The following TRAF3IP1 variants were observed in gnomAD, a reference collection of about 807,000 sequenced individuals.
TRAF3IP1 encodes TRAF3-interacting protein 1.
In TRAF3IP1, 53 loss-of-function variants were observed where a neutral mutation model predicts 89.9. That is an observed-to-expected ratio of 0.59 (90% confidence interval 0.47 to 0.74). TRAF3IP1 has a LOEUF of 0.74. Among genes scored for constraint, TRAF3IP1 ranks in the 30% least tolerant of loss-of-function variants. The pLI is 0.00. For synonymous variants in TRAF3IP1, 311 were observed against 322.1 expected (o/e 0.97, Z 0.37); for missense variants, 806 against 866.1 (o/e 0.93, Z 0.87).
At chr2:238,392,802 C>A (rs924608212) in intron 15 of TRAF3IP1, among the ~76,000 whole-genome samples, 1 of 152,214 alleles carries the variant, frequency 6.6e-6, no homozygotes, top group African/African-American at 2.4e-5. Flanking sequence ...TCTCGAACTC[C>A]TGACCTCAGG....
intron 5 of TRAF3IP1, among the ~76,000 whole-genome samples, chr2:238,330,147 G>A (rs747696671): frequency 3.3e-5 from 5 of 152,276 alleles, no homozygotes; most frequent in South Asian, 4.2e-4. Context: ...GTGTTTATGC[G>A]CAGTCTGAGT....
At chr2:238,384,987 A>G (rs1488888835) in intron 15 of TRAF3IP1, among the ~76,000 whole-genome samples, 3 of 152,048 alleles carry the variant, frequency 2.0e-5, no homozygotes, top group Non-Finnish European at 4.4e-5. Flanking sequence ...TAAGAAATTC[A>G]AGTCAGTTGT....
At chr2:238,320,836 G>C in intron 1 of TRAF3IP1, 51 bp downstream of exon 1, 2 of 1,324,892 alleles carry the variant, frequency 1.5e-6, no homozygotes, top group African/African-American at 3.1e-5. Context: ...ATTCCGGTGG[G>C]CGCCGAGGTC....
At chr2:238,368,792 T>A (rs1699989203) in intron 15 of TRAF3IP1, among the ~76,000 whole-genome samples, 1 of 152,102 alleles carries the variant, frequency 6.6e-6, no homozygotes, top group African/African-American at 2.4e-5. Context: ...TGCCTCAGCC[T>A]TCCTAGTAGC....
At chr2:238,343,960 G>GT (rs111234659) in intron 8 of TRAF3IP1, among the ~76,000 whole-genome samples, 17,516 of 146,632 alleles carry the variant, frequency 0.12, 1,720 homozygotes, top group African/African-American at 0.27. Flanking sequence ...TGCCCAGCCT[G>GT]TTTTTTTTTT....
At chr2:238,350,703 G>A (rs536581421) in intron 12 of TRAF3IP1, among the ~76,000 whole-genome samples, 1 of 152,338 alleles carries the variant, frequency 6.6e-6, no homozygotes, top group African/African-American at 2.4e-5. Context: ...CCTGCCCATA[G>A]TGCCTGGGCG....
chr2:238,356,392 G>A (rs992751520), intron 15 of TRAF3IP1, among the ~76,000 whole-genome samples: 1 of 152,180 alleles, frequency 6.6e-6, no homozygotes, highest in Non-Finnish European at 1.5e-5. Flanking sequence ...AGCTACTTGG[G>A]GGGCTGAGGC....
At chr2:238,324,602 A>G (rs1440059495) in intron 1 of TRAF3IP1, among the ~76,000 whole-genome samples, 2 of 150,304 alleles carry the variant, frequency 1.3e-5, no homozygotes, top group African/African-American at 2.5e-5. Flanking sequence ...GTGGACTTTC[A>G]TTTTCTTTTT....
intron 15 of TRAF3IP1, among the ~76,000 whole-genome samples, chr2:238,396,296 G>A (rs1291098584): frequency 6.8e-6 from 1 of 146,614 alleles, no homozygotes; most frequent in East Asian, 2.0e-4. Context: ...ACCAAACACT[G>A]CATGTTCTCA....
chr2:238,385,689 T>C (rs1286271957), intron 15 of TRAF3IP1, among the ~76,000 whole-genome samples: 1 of 152,240 alleles, frequency 6.6e-6, no homozygotes, highest in Non-Finnish European at 1.5e-5. Flanking sequence ...CTGCTAAGTC[T>C]GTTTGTACAG....
rs1559371241 is a variant in TRAF3IP1 at position 238,351,837 on chromosome 2, GTGTGTGT to G, written c.1452-989_1452-983del. 2.8e-4 allele frequency among the ~76,000 whole-genome samples: 16 copies of G among 56,268 alleles called. No homozygotes were observed. The highest frequency in any genetic ancestry group is 4.0e-4 in the Non-Finnish European group (12 of 29,758). The allele number at this position is 56,268 out of a possible 152,430, so 36.9% of individuals were successfully genotyped here. A position where few individuals can be genotyped will look rare whatever the true frequency, so the allele number is the denominator to read the frequency against. ...CACTGAAGCAAGGGAGGATTTTGGT[GTGTGTGT>G]GTGTGTGTGTGTGTGTGTGTGTGCG... On this transcript the variant is annotated intron_variant, in intron 12 of 16. Transcript: ENST00000373327. The surrounding 1 kb of genome is among the most constrained non-coding windows in gnomAD (Gnocchi z 5.2).
At chr2:238,358,451 G>A (rs1267218371) in intron 15 of TRAF3IP1, among the ~76,000 whole-genome samples, 1 of 152,126 alleles carries the variant, frequency 6.6e-6, no homozygotes, top group African/African-American at 2.4e-5. Context: ...CACAAGAATC[G>A]CTTGAGCCCA....
chr2:238,349,742 A>G (rs1699062527), intron 12 of TRAF3IP1, among the ~76,000 whole-genome samples: 2 of 152,214 alleles, frequency 1.3e-5, no homozygotes, highest in Non-Finnish European at 2.9e-5. Context: ...TAGGGGCTTA[A>G]TTGCAGAAAA....
intron 15 of TRAF3IP1, among the ~76,000 whole-genome samples, chr2:238,357,777 T>C (rs1460244571): frequency 1.3e-5 from 2 of 152,240 alleles, no homozygotes; most frequent in South Asian, 2.1e-4. Context: ...TCCAGGCTCC[T>C]AGTGGAGGTC....
At chr2:238,343,926 G>A (rs757969788) in intron 8 of TRAF3IP1, among the ~76,000 whole-genome samples, 3 of 151,234 alleles carry the variant, frequency 2.0e-5, no homozygotes, top group African/African-American at 4.9e-5. Flanking sequence ...CCCAAAATGC[G>A]GGGATTATAG....
chr2:238,320,548 T>G lies in TRAF3IP1; in HGVS notation c.-115T>G, dbSNP rs1697463879. ...GTGGGATGGAAACCGGAGCGGCGCG[T>G]CCTGGCAGGACCGGGCGGCGGCGGC... On this transcript the variant is annotated 5_prime_UTR_variant, in exon 1 of 17. Transcript: ENST00000373327. 2 of 1,027,384 alleles carry G rather than the reference T, an allele frequency of 1.9e-6. No homozygotes were observed. The highest frequency in any genetic ancestry group is 8.9e-5 in the South Asian group (2 of 22,552). 63.6% of individuals were successfully genotyped at this position (1,027,384 alleles called of 1,614,324 possible). A position where few individuals can be genotyped will look rare whatever the true frequency, so the allele number is the denominator to read the frequency against.
chr2:238,353,243 A>T (rs757373051), intron 14 of TRAF3IP1, 34 bp downstream of exon 14: 1 of 1,612,378 alleles, frequency 6.2e-7, no homozygotes, highest in Non-Finnish European at 8.5e-7. Flanking sequence ...ATGTATGTCC[A>T]TGTGTGTGTG....
intron 15 of TRAF3IP1, among the ~76,000 whole-genome samples, chr2:238,381,698 G>T (rs931985628): frequency 6.6e-6 from 1 of 152,212 alleles, no homozygotes; most frequent in African/African-American, 2.4e-5. Flanking sequence ...ACATTCATTT[G>T]CACCACTGTT....
chr2:238,339,470 G>A (rs1239985983), intron 8 of TRAF3IP1, among the ~76,000 whole-genome samples: 1 of 152,244 alleles, frequency 6.6e-6, no homozygotes, highest in Non-Finnish European at 1.5e-5. Flanking sequence ...GAAACACCCA[G>A]GCACACTGCA....
Sources: allele counts gnomAD v4.1 joint callset (sites outside exome capture counted in the v4.1 genomes callset), GRCh38; gene constraint gnomAD v4.1.1; non-coding constraint Gnocchi (gnomAD v3.1); transcripts MANE v1.5; gene names NCBI Gene and HGNC (gene_info 2026-07-23, HGNC 2026-07-21).